FSTL4: variants seen among roughly 807,000 people sequenced by gnomAD.
FSTL4 encodes the protein follistatin like 4.
FSTL4 carries 28 observed loss-of-function variants against 78.2 expected under a neutral mutation model. The observed-to-expected ratio is 0.36, with a 90% confidence interval of 0.27 to 0.49. The LOEUF is 0.49. Ranked by LOEUF, FSTL4 falls within the 20% of genes least tolerant of loss-of-function variation. FSTL4 has a pLI of 0.98. For synonymous variants in FSTL4, 422 were observed against 440.5 expected (o/e 0.96, Z 0.53); for missense variants, 922 against 1,084.9 (o/e 0.85, Z 2.11).
the FSTL4 span, among the ~76,000 whole-genome samples, chr5:133,764,974 A>G: frequency 6.6e-6 from 1 of 152,196 alleles, no homozygotes; most frequent in Non-Finnish European, 1.5e-5. Flanking sequence ...TGGGGTAACA[A>G]TTTTCTCCAG....
upstream of FSTL4, among the ~76,000 whole-genome samples, chr5:133,616,310 A>AATCTATCTATCTATCT (rs374635447): frequency 4.8e-3 from 713 of 147,266 alleles, 2 homozygotes; most frequent in East Asian, 7.2e-3. Flanking sequence ...TGAAAATCTA[A>AATCTATCTATCTATCT]ATCTATCTAT....
the FSTL4 span, among the ~76,000 whole-genome samples, chr5:133,665,781 C>T: frequency 6.6e-6 from 1 of 152,204 alleles, no homozygotes; most frequent in African/African-American, 2.4e-5. Context: ...AGGGTCTCTT[C>T]CCCCTCCTCT....
intron 3 of FSTL4, among the ~76,000 whole-genome samples, chr5:133,523,845 G>A (rs941541804): frequency 6.6e-6 from 1 of 152,214 alleles, no homozygotes; most frequent in African/African-American, 2.4e-5. Flanking sequence ...CCAAGTCTGA[G>A]AGGACATTTT....
At chr5:133,472,611 T>C (rs1461373637) in intron 3 of FSTL4, among the ~76,000 whole-genome samples, 3 of 152,164 alleles carry the variant, frequency 2.0e-5, no homozygotes, top group Non-Finnish European at 4.4e-5. Context: ...TGGCTCAGAG[T>C]TGGTATGCTG....
chr5:133,546,193 T>C (rs1759568961), intron 3 of FSTL4, among the ~76,000 whole-genome samples: 1 of 152,094 alleles, frequency 6.6e-6, no homozygotes. Flanking sequence ...CCTGGAAAAT[T>C]CTCAGGCTGG....
chr5:133,830,757 G>T, the FSTL4 span, among the ~76,000 whole-genome samples: 3 of 152,128 alleles, frequency 2.0e-5, no homozygotes, highest in Middle Eastern at 3.2e-3. Flanking sequence ...TCGTCAATTA[G>T]GTGAACACCC....
chr5:133,592,878 G>C (rs1217094626), intron 2 of FSTL4, among the ~76,000 whole-genome samples: 1 of 152,160 alleles, frequency 6.6e-6, no homozygotes, highest in Non-Finnish European at 1.5e-5. Context: ...GCAGAGCCAT[G>C]AGTCAAATAA....
At chr5:133,647,084 T>C in the FSTL4 span, among the ~76,000 whole-genome samples, 1 of 152,156 alleles carries the variant, frequency 6.6e-6, no homozygotes, top group Non-Finnish European at 1.5e-5. Flanking sequence ...CTGTGCTGCA[T>C]GAAGAGCGGC....
the FSTL4 span, among the ~76,000 whole-genome samples, chr5:133,641,681 T>G: frequency 2.0e-5 from 3 of 152,112 alleles, no homozygotes; most frequent in African/African-American, 7.2e-5. Context: ...TAAAGGAAAT[T>G]GTTTGAATTT....
chr5:133,739,860 G>A, the FSTL4 span, among the ~76,000 whole-genome samples: 2 of 151,956 alleles, frequency 1.3e-5, no homozygotes, highest in Admixed American at 1.3e-4. Flanking sequence ...CTAGTAAGGA[G>A]GAGAACTGAG....
At chr5:133,394,750 G>A (rs979232394) in intron 4 of FSTL4, among the ~76,000 whole-genome samples, 2 of 152,252 alleles carry the variant, frequency 1.3e-5, no homozygotes, top group African/African-American at 4.8e-5. Context: ...CACTGCGCGG[G>A]ACTGGCAGGC....
rs893002160 is a variant in FSTL4 at position 133,198,212 on chromosome 5, CTGTGCTGAAAGGAGGCACACAGAACT to C, written c.*857_*882del. 1 of 152,666 alleles carries C rather than the reference CTGTGCTGAAAGGAGGCACACAGAACT, an allele frequency of 6.6e-6. No homozygotes were observed. The highest frequency in any genetic ancestry group is 2.4e-5 in the African/African-American group (1 of 41,456). The allele number at this position is 152,666 out of a possible 1,614,324, so 9.5% of individuals were successfully genotyped here. On this transcript the variant is annotated 3_prime_UTR_variant, in exon 16 of 16. Transcript: ENST00000265342. ...ACCTGACTAATGAGATGTCTCCCTT[CTGTGCTGAAAGGAGGCACACAGAACT>C]TGTTCTGGTTTTTTGGGGTCCCAAC...
At chr5:133,793,663 A>G in the FSTL4 span, among the ~76,000 whole-genome samples, 1 of 152,170 alleles carries the variant, frequency 6.6e-6, no homozygotes, top group African/African-American at 2.4e-5. Context: ...GCTTAAGCAA[A>G]GCCTGCTGAA....
At chr5:133,370,972 T>A (rs1755285511) in intron 4 of FSTL4, among the ~76,000 whole-genome samples, 1 of 152,290 alleles carries the variant, frequency 6.6e-6, no homozygotes, top group Non-Finnish European at 1.5e-5. Context: ...CAAACTGGGT[T>A]CCCAGCACAG....
intron 4 of FSTL4, among the ~76,000 whole-genome samples, chr5:133,364,102 G>A (rs1370468126): frequency 1.3e-5 from 2 of 152,182 alleles, no homozygotes; most frequent in African/African-American, 4.8e-5. Context: ...GGCAGGACAC[G>A]CCTGACATTC....
rs763885906 is a variant in FSTL4, at chr5:133,225,785, C to T, written c.1050G>A (p.Gln350=). The T allele has an allele frequency of 1.6e-5, 26 of 1,604,320 alleles. No individual in the cohort carries two copies. The highest frequency in any genetic ancestry group is 2.2e-5 in the East Asian group (1 of 44,674). The change falls in exon 9 of 16, where the codon CAG becomes CAA. Residue 350 remains glutamine (Q), a synonymous_variant. Transcript: ENST00000265342. This position sits in a 1 kb window ranked among gnomAD's most constrained non-coding sequence, Gnocchi z 4.6. ...TGGCTGCCACTCCAGGCTCCTGTGCCTGGCTCTCTGGATAGACACGGATGA... is the reference window on the plus strand; with the variant it reads ...TGGCTGCCACTCCAGGCTCCTGTGCTTGGCTCTCTGGATAGACACGGATGA... ...PPVIRVYPES[Q]AQEPGVAASL...
intron 1 of FSTL4, among the ~76,000 whole-genome samples, chr5:133,606,712 C>T (rs1184475059): frequency 6.6e-6 from 1 of 152,186 alleles, no homozygotes; most frequent in African/African-American, 2.4e-5. Flanking sequence ...AAACGAAAAA[C>T]AGCAAGATAA....
intron 3 of FSTL4, among the ~76,000 whole-genome samples, chr5:133,489,780 TAGGTGG>T (rs1758219820): frequency 2.0e-5 from 3 of 151,974 alleles, no homozygotes; most frequent in Non-Finnish European, 2.9e-5. Context: ...ATGCCCTCCC[TAGGTGG>T]TGACAAAAGA....
intron 6 of FSTL4, among the ~76,000 whole-genome samples, chr5:133,265,161 C>G (rs565160358): frequency 2.8e-4 from 42 of 152,202 alleles, no homozygotes; most frequent in African/African-American, 8.9e-4. Flanking sequence ...CCCGTCCCCC[C>G]ACATCATCTC....
Sources: gnomAD v4.1 joint callset for allele counts (sites outside exome capture counted in the v4.1 genomes callset) on GRCh38, gnomAD v4.1.1 for gene constraint, Gnocchi (gnomAD v3.1) non-coding constraint, MANE v1.5 for transcripts, NCBI Gene and HGNC (gene_info 2026-07-23, HGNC 2026-07-21) for gene names.